Variants in GRAMD4 observed in about 807,000 individuals in gnomAD.
GRAMD4 encodes GRAM domain-containing protein 4.
Under a neutral mutation model 83.9 loss-of-function variants are expected in GRAMD4, and 25 were observed. That is an observed-to-expected ratio of 0.30 (90% confidence interval 0.22 to 0.42). GRAMD4 has a LOEUF of 0.42. Among genes scored for constraint, GRAMD4 ranks in the 10% least tolerant of loss-of-function variants. The pLI, the probability that GRAMD4 is intolerant of heterozygous loss-of-function variation, is 1.00. For synonymous variants in GRAMD4, 336 were observed against 320.9 expected (o/e 1.05, Z -0.50); for missense variants, 593 against 788.7 (o/e 0.75, Z 2.97).
chr22:46,617,300 G>A (rs1324968781), upstream of GRAMD4, among the ~76,000 whole-genome samples: 1 of 150,914 alleles, frequency 6.6e-6, no homozygotes, highest in Non-Finnish European at 1.5e-5. Flanking sequence ...TGCTGTGCAT[G>A]TAGGTTCCCC....
At chr22:46,609,199 C>T (rs746171065) in intron 1 of GRAMD4, among the ~76,000 whole-genome samples, 3 of 152,188 alleles carry the variant, frequency 2.0e-5, no homozygotes, top group Admixed American at 6.5e-5. Flanking sequence ...CATCGCAGAC[C>T]GCTGAGTGGC....
At chr22:46,643,171 C>G (rs1313070604) in intron 3 of GRAMD4, among the ~76,000 whole-genome samples, 15 of 141,434 alleles carry the variant, frequency 1.1e-4, no homozygotes, top group Middle Eastern at 3.5e-3. Context: ...ATCCATCCAT[C>G]CATCCATCCA....
At chr22:46,578,767 C>T (rs1602280715) in intron 1 of GRAMD4, among the ~76,000 whole-genome samples, 1 of 152,232 alleles carries the variant, frequency 6.6e-6, no homozygotes, top group African/African-American at 2.4e-5. Flanking sequence ...TGCTGCACAC[C>T]CTTCCGAAGA....
intron 1 of GRAMD4, among the ~76,000 whole-genome samples, chr22:46,626,149 G>T (rs2081655330): frequency 6.6e-6 from 1 of 151,914 alleles, no homozygotes; most frequent in South Asian, 2.1e-4. Flanking sequence ...CCGGGGCCAG[G>T]TGGAGCAGGT....
At chr22:46,629,898 C>G (rs1233696047) in intron 2 of GRAMD4, among the ~76,000 whole-genome samples, 1 of 152,198 alleles carries the variant, frequency 6.6e-6, no homozygotes, top group Admixed American at 6.5e-5. Flanking sequence ...AACATGAGGC[C>G]TCGTGTGTCT....
intron 3 of GRAMD4, among the ~76,000 whole-genome samples, chr22:46,648,555 A>C (rs1379041368): frequency 2.7e-5 from 4 of 147,666 alleles, no homozygotes; most frequent in African/African-American, 1.0e-4. Context: ...AGGGATGGTT[A>C]GATGGGTGGG....
intron 1 of GRAMD4, among the ~76,000 whole-genome samples, chr22:46,578,472 G>A (rs761275058): frequency 1.3e-5 from 2 of 152,168 alleles, no homozygotes; most frequent in Non-Finnish European, 2.9e-5. Flanking sequence ...TAAGAGGATC[G>A]AATGGGGTGA....
At chr22:46,648,047 C>T (rs2082096297) in intron 3 of GRAMD4, among the ~76,000 whole-genome samples, 1 of 152,168 alleles carries the variant, frequency 6.6e-6, no homozygotes, top group African/African-American at 2.4e-5. Context: ...ATGCTCAGCG[C>T]ACAACTTTAT....
Position 46,678,152 on chromosome 22 carries a change from A to T in GRAMD4, c.*901A>T. 2.0e-6 allele frequency: 2 copies of T among 985,620 alleles called. No individual in the cohort carries two copies. The highest frequency in any genetic ancestry group is 1.2e-6 in the Non-Finnish European group (1 of 830,064). The allele number at this position is 985,620 out of a possible 1,614,324, so 61.1% of individuals were successfully genotyped here. On this transcript the variant is annotated 3_prime_UTR_variant, in exon 19 of 19. Transcript: ENST00000406902. ...CTCCGAGCACTGTGGCATGTCTGGC[A>T]CATGGCCCCCAGGCTGCGGTTGCCT... is the stretch of plus-strand genomic sequence containing the variant.
At chr22:46,654,334 T>G (rs2082211087) in intron 3 of GRAMD4, among the ~76,000 whole-genome samples, 1 of 152,184 alleles carries the variant, frequency 6.6e-6, no homozygotes. Context: ...GCTCACGCAG[T>G]GGGTTCACAT....
chr22:46,636,716 C>T (rs2081894169), intron 2 of GRAMD4, among the ~76,000 whole-genome samples: 1 of 152,234 alleles, frequency 6.6e-6, no homozygotes, highest in Non-Finnish European at 1.5e-5. Flanking sequence ...TGGCAGGATG[C>T]AACGTGGAGG....
At chr22:46,657,268 G>A (rs17834253) in intron 3 of GRAMD4, among the ~76,000 whole-genome samples, 23,566 of 152,226 alleles carry the variant, frequency 0.15, 2,416 homozygotes, top group Non-Finnish European at 0.23. Context: ...TGCTCTCATC[G>A]GTCTGTTGCT....
At chr22:46,647,676 ACCACTGC>A (rs1203544699) in intron 3 of GRAMD4, among the ~76,000 whole-genome samples, 1 of 152,240 alleles carries the variant, frequency 6.6e-6, no homozygotes, top group Non-Finnish European at 1.5e-5. Flanking sequence ...TAAGTCGGGA[ACCACTGC>A]CCACCTCTGT....
chr22:46,589,974 G>A (rs965277625), intron 1 of GRAMD4, among the ~76,000 whole-genome samples: 6 of 152,216 alleles, frequency 3.9e-5, no homozygotes, highest in East Asian at 1.9e-4. Context: ...TGGTTCCTGC[G>A]GCATGTATTG....
chr22:46,619,559 G>A (rs922771474), upstream of GRAMD4, among the ~76,000 whole-genome samples: 1 of 152,164 alleles, frequency 6.6e-6, no homozygotes, highest in Non-Finnish European at 1.5e-5. Context: ...CTCTCAAAGT[G>A]CTGGGATTAC....
rs1004711904 is a variant in GRAMD4 at position 46,621,526 on chromosome 22, T to C, written c.-50+961T>C. 1.2e-4 allele frequency among the ~76,000 whole-genome samples: 16 copies of C among 133,790 alleles called. No individual in the cohort carries two copies. Among genetic ancestry groups the C allele is most frequent in the Non-Finnish European group, 2.2e-4 (14 of 62,474 alleles). The allele number at this position is 133,790 out of a possible 152,430, so 87.8% of individuals were successfully genotyped here. ...GGCGGTGTGTCGCGGAGGGCACCCC[T>C]ACCCCGGTGCAGGCGCAGGCTGGAG... On this transcript the variant is annotated intron_variant, in intron 1 of 18. Coordinates refer to ENST00000406902, the MANE Select transcript of GRAMD4 (RefSeq NM_015124.5). The surrounding 1 kb of genome is among the most constrained non-coding windows in gnomAD (Gnocchi z 5.8).
chr22:46,662,910 G>T, intron 5 of GRAMD4, 130 bp from the exon 6 acceptor site: 2 of 768,794 alleles, frequency 2.6e-6, no homozygotes, highest in Non-Finnish European at 4.1e-6. Flanking sequence ...ACCTACCCCC[G>T]AGCATTCCTT....
Position 46,665,687 on chromosome 22 carries a change from C to G in GRAMD4, c.790C>G (p.Leu264Val). The G allele has an allele frequency of 6.3e-7, 1 of 1,581,858 alleles. No homozygotes were observed. Among genetic ancestry groups the G allele is most frequent in the Non-Finnish European group, 8.7e-7 (1 of 1,151,072 alleles). The change falls in exon 9 of 19, where the codon CTC becomes GTC. Residue 264 changes from leucine to valine, a missense_variant. By Grantham distance (32) the Leu-to-Val change is conservative. This residue lies in a region of GRAMD4 where 36 missense variants were observed against 85.8 expected (regional missense o/e 0.42). Transcript: ENST00000406902. The stretch of plus-strand genomic sequence containing the variant: ...ATTTCTAGCAATTCTGAGGTTATCC[C>G]TCAATTACCTCATCGCCAGGTAGGT... ...FLFLAILRLS[L>V]NYLIARGWRI...
At chr22:46,584,575 T>A (rs1459482210) in intron 1 of GRAMD4, among the ~76,000 whole-genome samples, 3 of 152,134 alleles carry the variant, frequency 2.0e-5, no homozygotes, top group Non-Finnish European at 4.4e-5. Context: ...CCGGTGTGTC[T>A]GCGTAGTGGG....
Sources: gnomAD v4.1 joint callset for allele counts (sites outside exome capture counted in the v4.1 genomes callset) on GRCh38, gnomAD v4.1.1 for gene constraint, gnomAD v4.1.1 regional missense constraint, Gnocchi (gnomAD v3.1) non-coding constraint, MANE v1.5 for transcripts, NCBI Gene and HGNC (gene_info 2026-07-23, HGNC 2026-07-21) for gene names.